DAB1: variants seen among roughly 807,000 people sequenced by gnomAD.
DAB1 encodes disabled homolog 1.
Under a neutral mutation model 64.6 loss-of-function variants are expected in DAB1, and 15 were observed. That is an observed-to-expected ratio of 0.23 (90% confidence interval 0.16 to 0.36). DAB1 has a LOEUF of 0.36. DAB1 is among the 10% of genes least tolerant of loss of function. The probability of loss-of-function intolerance (pLI) is 1.00; values close to 1 mark genes in which losing one functional copy is unlikely to be tolerated. For missense variants in DAB1, 596 were observed against 706.7 expected (o/e 0.84, Z 1.78); for synonymous variants, 235 against 251.9 (o/e 0.93, Z 0.64).
intron 1 of DAB1, among the ~76,000 whole-genome samples, chr1:57,357,519 C>CTTTTTTT (rs35457403): frequency 8.1e-6 from 1 of 122,792 alleles, no homozygotes. Context: ...CACCTTCTTC[C>CTTTTTTT]TTTTTTTTTT....
intron 3 of DAB1, among the ~76,000 whole-genome samples, chr1:58,355,118 T>A (rs1644097601): frequency 6.6e-6 from 1 of 152,192 alleles, no homozygotes. Flanking sequence ...TGGTTTCTGA[T>A]CTAAAGAGTT....
intron 14 of DAB1, among the ~76,000 whole-genome samples, chr1:56,998,930 C>T (rs1645738647): frequency 6.6e-6 from 1 of 152,120 alleles, no homozygotes; most frequent in African/African-American, 2.4e-5. Flanking sequence ...TGAGATGGCT[C>T]ATTGTGCCTT....
chr1:58,003,780 T>C (rs1368083901), intron 5 of DAB1, among the ~76,000 whole-genome samples: 1 of 152,184 alleles, frequency 6.6e-6, no homozygotes, highest in Non-Finnish European at 1.5e-5. Flanking sequence ...TGAGCACCTG[T>C]TGGCCTTGAA....
chr1:57,695,412 GAAAGAAAGAAAGAAAGAA>G (rs1365244896), intron 6 of DAB1, among the ~76,000 whole-genome samples: 1 of 116,374 alleles, frequency 8.6e-6, no homozygotes, highest in African/African-American at 3.3e-5. Flanking sequence ...AAGAAAGAAA[GAAAGAAAGAAAGAAAGAA>G]AGAAAAAAGA....
At chr1:57,389,449 A>G (rs1468452867) in intron 1 of DAB1, among the ~76,000 whole-genome samples, 2 of 152,132 alleles carry the variant, frequency 1.3e-5, no homozygotes, top group Non-Finnish European at 2.9e-5. Flanking sequence ...GTAACACGGG[A>G]CTGCTTTGTA....
intron 4 of DAB1, among the ~76,000 whole-genome samples, chr1:58,304,854 T>G (rs1005388534): frequency 1.3e-5 from 2 of 152,178 alleles, no homozygotes; most frequent in Admixed American, 6.5e-5. Context: ...ATTTCTGTAT[T>G]CCCTTCCACT....
intron 5 of DAB1, among the ~76,000 whole-genome samples, chr1:57,950,536 C>T (rs966015905): frequency 6.6e-6 from 1 of 152,114 alleles, no homozygotes; most frequent in Non-Finnish European, 1.5e-5. Flanking sequence ...GTTTAAAATC[C>T]TTTATTCCTC....
At chr1:57,641,802 A>G (rs539919542) in intron 7 of DAB1, among the ~76,000 whole-genome samples, 6 of 152,198 alleles carry the variant, frequency 3.9e-5, no homozygotes, top group African/African-American at 1.2e-4. Flanking sequence ...CTCATTATCT[A>G]TCCTCTCATC....
intron 6 of DAB1, among the ~76,000 whole-genome samples, chr1:57,761,205 T>G (rs1421386857): frequency 6.6e-6 from 1 of 152,228 alleles, no homozygotes; most frequent in Non-Finnish European, 1.5e-5. Flanking sequence ...AAGTCTGAGT[T>G]GGTGCCTTTA....
At chr1:58,087,195 G>A (rs552017223) in intron 5 of DAB1, among the ~76,000 whole-genome samples, 33 of 152,184 alleles carry the variant, frequency 2.2e-4, no homozygotes, top group Non-Finnish European at 4.4e-4. Context: ...AAGGTACTTA[G>A]TAGAGAGCAG....
Position 57,101,773 on chromosome 1 carries a change from C to T in DAB1, c.307-29359G>A, listed in dbSNP as rs1183834168. 3.3e-5 allele frequency among the ~76,000 whole-genome samples: 5 copies of T among 152,338 alleles called. No individual in the cohort carries two copies. In the East Asian group the frequency reaches 9.6e-4, roughly 29 times the overall value. On this transcript the variant is annotated intron_variant, in intron 4 of 14. Transcript: ENST00000371236. ...ATAGCTGACATTCAGTAAGCACTTT[C>T]TATGTGCCAGGCATCTTTCTAGAGC...
At chr1:57,636,120 C>CAAAAAAA (rs1164191555) in intron 7 of DAB1, among the ~76,000 whole-genome samples, 1 of 93,572 alleles carries the variant, frequency 1.1e-5, no homozygotes, top group African/African-American at 3.4e-5. Context: ...AAAACAAAAA[C>CAAAAAAA]AAAAAACTGG....
chr1:57,392,327 G>A (rs535183119), intron 1 of DAB1, among the ~76,000 whole-genome samples: 28 of 152,290 alleles, frequency 1.8e-4, no homozygotes, highest in Admixed American at 3.3e-4. Flanking sequence ...GAGCGAGATC[G>A]TGCCACTGCA....
intron 2 of DAB1, among the ~76,000 whole-genome samples, chr1:57,272,087 A>G (rs980591260): frequency 3.3e-5 from 5 of 152,188 alleles, no homozygotes; most frequent in African/African-American, 1.2e-4. Flanking sequence ...GAGACTCCTG[A>G]AGGGAGATGT....
chr1:58,047,241 A>T (rs556790048), intron 5 of DAB1, among the ~76,000 whole-genome samples: 1 of 152,322 alleles, frequency 6.6e-6, no homozygotes, highest in African/African-American at 2.4e-5. Context: ...TAAGTAAAAT[A>T]AAAAAACAGG....
At chr1:57,747,943 G>C (rs1421192107) in intron 6 of DAB1, among the ~76,000 whole-genome samples, 1 of 151,864 alleles carries the variant, frequency 6.6e-6, no homozygotes, top group Non-Finnish European at 1.5e-5. Flanking sequence ...TTAAAGACTT[G>C]GAAAGTCTGC....
chr1:58,201,850 C>A (rs1487219354), intron 4 of DAB1, among the ~76,000 whole-genome samples: 1 of 152,102 alleles, frequency 6.6e-6, no homozygotes, highest in Non-Finnish European at 1.5e-5. Context: ...GGTAGGTACC[C>A]CTACCCTGAA....
At chr1:57,571,464 C>T (rs1168308767) in intron 7 of DAB1, among the ~76,000 whole-genome samples, 1 of 152,116 alleles carries the variant, frequency 6.6e-6, no homozygotes, top group Non-Finnish European at 1.5e-5. Context: ...TGCAACCCAG[C>T]AGTTGAGAAA....
chr1:57,569,743 T>C (rs1354835031), intron 7 of DAB1, among the ~76,000 whole-genome samples: 1 of 152,100 alleles, frequency 6.6e-6, no homozygotes, highest in Admixed American at 6.6e-5. Flanking sequence ...ACCTAAAGTA[T>C]ACTAATAAAA....
Sources: gnomAD v4.1 joint callset for allele counts (sites outside exome capture counted in the v4.1 genomes callset) on GRCh38, gnomAD v4.1.1 for gene constraint, MANE v1.5 for transcripts, NCBI Gene and HGNC (gene_info 2026-07-23, HGNC 2026-07-21) for gene names.